Variants in CSMD1 observed in about 807,000 individuals in gnomAD.
CSMD1 encodes CUB and sushi domain-containing protein 1.
A neutral mutation model predicts 417.5 loss-of-function variants in CSMD1; 213 were observed. That is an observed-to-expected ratio of 0.51 (90% CI 0.46 to 0.57). The LOEUF (loss-of-function observed/expected upper bound fraction) is 0.57, where lower values mean the gene tolerates loss of function less well. Among genes scored for constraint, CSMD1 ranks in the 20% least tolerant of loss-of-function variants. The pLI, the probability that CSMD1 is intolerant of heterozygous loss-of-function variation, is 0.00. For synonymous variants in CSMD1, 2,862 were observed against 1,736.8 expected, an observed-to-expected ratio of 1.65 and a Z score of -16.11; for missense variants, 6,923 against 4,529.7, an observed-to-expected ratio of 1.53 and a Z score of -15.17.
intron 3 of CSMD1, among the ~76,000 whole-genome samples, chr8:4,289,540 T>G (rs1031541193): frequency 6.6e-6 from 1 of 152,222 alleles, no homozygotes; most frequent in African/African-American, 2.4e-5. Context: ...CACTTTCAGA[T>G]CTGACACGTG....
intron 6 of CSMD1, among the ~76,000 whole-genome samples, chr8:3,751,385 T>G (rs1220764105): frequency 6.8e-6 from 1 of 147,810 alleles, no homozygotes; most frequent in Non-Finnish European, 1.5e-5. Flanking sequence ...ATTTATATAT[T>G]TCTTATATAA....
In CSMD1 at chr8:2,998,304, C is replaced by T. The variant is rs1013596356; in HGVS notation, c.8204-120G>A. On this transcript the variant is annotated intron_variant, in intron 53 of 69. Transcript: ENST00000635120. The stretch of plus-strand genomic sequence containing the variant: ...GTATGGACTGAAGGTTTTCCACTAA[C>T]CAGGCAGCTTACAGATGGTATTTAT... 6.4e-6 allele frequency: 6 copies of T among 942,298 alleles called. No individual in the cohort carries two copies. In the African/African-American group the frequency reaches 8.2e-5, roughly 13 times the overall value. 58.4% of individuals were successfully genotyped at this position (942,298 alleles called of 1,614,324 possible).
rs1191056196 is a variant in CSMD1 at position 3,704,362 on chromosome 8, G to A, written c.1009+4052C>T. On this transcript the variant is annotated intron_variant, in intron 7 of 69. Coordinates refer to ENST00000635120, the MANE Select transcript of CSMD1 (RefSeq NM_033225.6). ...CCTTTTTCAGGCATATACCCAGTGG[G>A]CTCCATAGGAACTCACACAGGGAGG... Among the ~76,000 whole-genome samples, 5 of 152,122 alleles carry A rather than the reference G, an allele frequency of 3.3e-5. No homozygotes were observed. In the East Asian group the frequency reaches 7.7e-4, roughly 23 times the overall value.
At chr8:3,938,411 G>A (rs777287987) in intron 5 of CSMD1, among the ~76,000 whole-genome samples, 1 of 152,138 alleles carries the variant, frequency 6.6e-6, no homozygotes, top group Non-Finnish European at 1.5e-5. Context: ...TTTTGATTTG[G>A]GCTTCAAAAG....
intron 25 of CSMD1, among the ~76,000 whole-genome samples, chr8:3,297,872 C>G (rs191944343): frequency 7.9e-5 from 12 of 151,964 alleles, no homozygotes; most frequent in African/African-American, 2.4e-4. Context: ...ATTATTATGA[C>G]TCATTGGAAT....
intron 5 of CSMD1, among the ~76,000 whole-genome samples, chr8:3,833,518 A>AT: frequency 6.6e-6 from 1 of 152,144 alleles, no homozygotes; most frequent in Non-Finnish European, 1.5e-5. Context: ...CATATTCAGA[A>AT]TTTTTTTCAA....
intron 5 of CSMD1, among the ~76,000 whole-genome samples, chr8:3,815,215 T>C (rs542024307): frequency 5.3e-5 from 8 of 152,300 alleles, no homozygotes; most frequent in Non-Finnish European, 8.8e-5. Context: ...TTGCTCTCCT[T>C]TTATGGGAAC....
At chr8:3,772,190 ACACAC>A (rs1798611458) in intron 5 of CSMD1, among the ~76,000 whole-genome samples, 1 of 7,590 alleles carries the variant, frequency 1.3e-4, no homozygotes, top group East Asian at 2.7e-3. Flanking sequence ...ATATATATAT[ACACAC>A]ACACACACAC....
intron 10 of CSMD1, among the ~76,000 whole-genome samples, chr8:3,496,733 G>A (rs1168854453): frequency 6.6e-6 from 1 of 152,120 alleles, no homozygotes; most frequent in Non-Finnish European, 1.5e-5. Flanking sequence ...AGCTGAGGCA[G>A]GAGAATCACT....
intron 3 of CSMD1, among the ~76,000 whole-genome samples, chr8:4,177,385 G>C (rs546854813): frequency 3.3e-5 from 5 of 152,014 alleles, no homozygotes; most frequent in East Asian, 3.9e-4. Context: ...AAACCAACGA[G>C]AACAAAGACA....
chr8:4,563,483 C>A (rs1002131460), intron 2 of CSMD1, among the ~76,000 whole-genome samples: 1 of 152,160 alleles, frequency 6.6e-6, no homozygotes, highest in African/African-American at 2.4e-5. Flanking sequence ...CAGGCTCTCC[C>A]GTTCAGTATT....
chr8:3,123,388 G>C (rs1817318642), intron 41 of CSMD1, among the ~76,000 whole-genome samples: 1 of 152,098 alleles, frequency 6.6e-6, no homozygotes, highest in South Asian at 2.1e-4. Flanking sequence ...TCCCAATACT[G>C]CTATTTGGAC....
chr8:3,941,316 T>C (rs1000536678), intron 5 of CSMD1, among the ~76,000 whole-genome samples: 1 of 152,148 alleles, frequency 6.6e-6, no homozygotes, highest in Admixed American at 6.5e-5. Context: ...TCTGGAAACA[T>C]CCTATGCCAT....
At chr8:4,276,169 C>T (rs1796474114) in intron 3 of CSMD1, among the ~76,000 whole-genome samples, 1 of 152,106 alleles carries the variant, frequency 6.6e-6, no homozygotes, top group Non-Finnish European at 1.5e-5. Flanking sequence ...GACACATGCA[C>T]ACATATGCTT....
chr8:4,557,084 A>G (rs1798128342), intron 2 of CSMD1, among the ~76,000 whole-genome samples: 1 of 152,202 alleles, frequency 6.6e-6, no homozygotes, highest in South Asian at 2.1e-4. Flanking sequence ...AACATACTTT[A>G]TAAAATGCTG....
chr8:4,135,255 A>C (rs1214120007), intron 3 of CSMD1, among the ~76,000 whole-genome samples: 3 of 151,796 alleles, frequency 2.0e-5, no homozygotes, highest in Non-Finnish European at 4.4e-5. Context: ...ATTCATGTCT[A>C]ATGCCTTCCT....
chr8:3,931,314 A>C (rs546823247), intron 5 of CSMD1, among the ~76,000 whole-genome samples: 1 of 150,736 alleles, frequency 6.6e-6, no homozygotes, highest in African/African-American at 2.4e-5. Context: ...TAAAATATTT[A>C]AGAACTAGAA....
In CSMD1 at chr8:3,493,659, G is replaced by A. The variant is rs747161097; in HGVS notation, c.1412C>T (p.Ala471Val). The change falls in exon 11 of 70, where the codon GCT (alanine) becomes GTT (valine). Residue 471 changes from alanine (A) to valine (V), a missense_variant. Coordinates refer to ENST00000635120, the MANE Select transcript of CSMD1 (RefSeq NM_033225.6). ...RGYDTLTVGD[A>V]GKVGDTRSVL... Reference sequence around the variant, plus strand: ...CGATCTGGTGTCTCCCACCTTCCCAGCATCACCAACCGTCAGGGTGTCATA... The same window carrying A: ...CGATCTGGTGTCTCCCACCTTCCCAACATCACCAACCGTCAGGGTGTCATA... 4 of 1,612,076 alleles carry A rather than the reference G, an allele frequency of 2.5e-6. No homozygotes were observed. The East Asian group carries it at 6.7e-5, about 27-fold the overall frequency.
At chr8:4,979,409 G>C (rs1810749587) in intron 1 of CSMD1, among the ~76,000 whole-genome samples, 1 of 152,140 alleles carries the variant, frequency 6.6e-6, no homozygotes, top group East Asian at 1.9e-4. Flanking sequence ...CACACTATGA[G>C]GAGGAGAGAC....
Sources: gnomAD v4.1 joint callset for allele counts (sites outside exome capture counted in the v4.1 genomes callset) on GRCh38, gnomAD v4.1.1 for gene constraint, MANE v1.5 for transcripts, NCBI Gene and HGNC (gene_info 2026-07-23, HGNC 2026-07-21) for gene names.